The following FANCA variants were observed in gnomAD, a reference collection of about 807,000 sequenced individuals.
FANCA encodes Fanconi anemia group A protein.
FANCA carries 236 observed loss-of-function variants against 194.3 expected under a neutral mutation model. That is an observed-to-expected ratio of 1.21 (90% CI 1.09 to 1.35). FANCA has a LOEUF of 1.35. Ranked by LOEUF, FANCA falls within the 40% of genes most tolerant of loss-of-function variation. The pLI is 0.00. For missense variants in FANCA, 2,628 were observed against 1,813.9 expected (o/e 1.45, Z -8.15); for synonymous variants, 1,014 against 715.8 (o/e 1.42, Z -6.65).
At chr16:89,775,059 A>T (rs2039456063) in intron 21 of FANCA, among the ~76,000 whole-genome samples, 1 of 151,806 alleles carries the variant, frequency 6.6e-6, no homozygotes, top group Non-Finnish European at 1.5e-5. Context: ...GCGCCACTGC[A>T]GTCCACAGCC....
At chr16:89,789,306 T>TGGG (rs68096047) in intron 14 of FANCA, among the ~76,000 whole-genome samples, 16 of 119,984 alleles carry the variant, frequency 1.3e-4, no homozygotes, top group African/African-American at 5.5e-4. Context: ...TCAGAAGGCC[T>TGGG]GGGGGGGGAG....
rs527815517 is a variant in FANCA at position 89,793,309 on chromosome 16, G to A, written c.1007-762C>T. On this transcript the variant is annotated intron_variant, in intron 11 of 42. Transcript: ENST00000389301. ...GACCAAGGAGCCCTCTGGTGGCCCT[G>A]TCCGGGCATAACAGAAGGCTCACAC... is the stretch of plus-strand genomic sequence containing the variant. Among the ~76,000 whole-genome samples, 61 of 152,276 alleles carry A rather than the reference G, an allele frequency of 4.0e-4. 1 individual carries two copies. The highest frequency in any genetic ancestry group is 1.4e-3 in the African/African-American group (58 of 41,554).
rs917707717 is a variant in FANCA, at chr16:89,770,177, G to A, written c.2305C>T (p.Leu769Phe). 5 of 1,590,854 alleles carry A rather than the reference G, an allele frequency of 3.1e-6. No homozygotes were observed. The African/African-American group carries it at 6.7e-5, about 21-fold the overall frequency. Residue 769 changes from leucine to phenylalanine, a missense_variant, in exon 25 of 43, where the codon CTC becomes TTC. By Grantham distance (22) the Leu-to-Phe change is conservative (BLOSUM62 0). Transcript: ENST00000389301. ...AAGGAGAGCCTCACCTGGTGACGGA[G>A]CAGCTGGCAGAGCCGGGTGAGCACT... ...PAVLTRLCQLLRHQGPSLSAP... is the reference protein window; with the variant it reads ...PAVLTRLCQLFRHQGPSLSAP...
chr16:89,786,419 G>T (rs1352210074), intron 14 of FANCA, among the ~76,000 whole-genome samples: 1 of 152,102 alleles, frequency 6.6e-6, no homozygotes, highest in Non-Finnish European at 1.5e-5. Context: ...CTGACCTCAG[G>T]TGATACCTTG....
chr16:89,769,673 A>C (rs758702222), intron 26 of FANCA, 164 bp downstream of exon 26: 5 of 765,902 alleles, frequency 6.5e-6, no homozygotes, highest in Non-Finnish European at 1.1e-5. Context: ...CATATTATAA[A>C]CAAATGACAG....
At chr16:89,759,318 T>TTAAAAAAAA (rs1224981781) in intron 29 of FANCA, among the ~76,000 whole-genome samples, 4,010 of 75,240 alleles carry the variant, frequency 0.053, 956 homozygotes, top group Non-Finnish European at 0.08. Context: ...AGACTCCGTC[T>TTAAAAAAAA]AAAAAAAAAA....
At position 89,740,407 on chromosome 16, in the gene FANCA, A is replaced by C. The variant is rs989545469; in HGVS notation, c.3829-308T>G. ...GTAATCCCAACACTTTGGGAGGCCG[A>C]GGTCGGCGGATCACTGAGGCCAGTT... On this transcript the variant is annotated intron_variant, in intron 38 of 42. Coordinates refer to ENST00000389301, the MANE Select transcript of FANCA (RefSeq NM_000135.4). The C allele has an allele frequency of 8.4e-5, 40 of 473,472 alleles. 1 individual carries two copies. The East Asian group carries it at 1.5e-3, about 18-fold the overall frequency. The allele number at this position is 473,472 out of a possible 1,614,324, so 29.3% of individuals were successfully genotyped here. A position where few individuals can be genotyped will look rare whatever the true frequency, so the allele number is the denominator to read the frequency against.
rs755381554 is a variant in FANCA at position 89,779,854 on chromosome 16, G to A, written c.1715+15C>T. The A allele has an allele frequency of 1.8e-5, 29 of 1,612,234 alleles. No individual in the cohort carries two copies. The highest frequency in any genetic ancestry group is 2.5e-5 in the Non-Finnish European group (29 of 1,179,262). On this transcript the variant is annotated intron_variant, in intron 18 of 42. Transcript: ENST00000389301. ...CACTGCAGCTGCTAGAGGCCTTTTCGGCAGCCCAGCCTACCTGGCCTCCAT... is the reference window on the plus strand; with the variant it reads ...CACTGCAGCTGCTAGAGGCCTTTTCAGCAGCCCAGCCTACCTGGCCTCCAT...
intron 30 of FANCA, among the ~76,000 whole-genome samples, chr16:89,757,856 A>C (rs950619706): frequency 6.6e-6 from 1 of 152,228 alleles, no homozygotes; most frequent in Non-Finnish European, 1.5e-5. Flanking sequence ...CAGGTGACAG[A>C]ACAGAAAAAC....
intron 6 of FANCA, among the ~76,000 whole-genome samples, chr16:89,806,248 T>TC (rs1446560843): frequency 6.6e-6 from 1 of 152,138 alleles, no homozygotes; most frequent in Non-Finnish European, 1.5e-5. Context: ...TGGGGACTGT[T>TC]CCATTTGGAC....
At chr16:89,796,429 G>T (rs1455205125) in intron 10 of FANCA, among the ~76,000 whole-genome samples, 2 of 152,172 alleles carry the variant, frequency 1.3e-5, no homozygotes, top group African/African-American at 2.4e-5. Flanking sequence ...CCAAGCCTGA[G>T]AGAAGAGCCC....
chr16:89,792,332 G>C (rs1347087764), intron 12 of FANCA, 139 bp downstream of exon 12: 2 of 988,560 alleles, frequency 2.0e-6, no homozygotes, highest in African/African-American at 1.6e-5. Flanking sequence ...TGGTGGCCTT[G>C]ATGAGGACAG....
chr16:89,778,822 G>T lies in FANCA; in HGVS notation c.1805C>A (p.Ala602Glu). ...VLPKVPDSRV[A>E]FIESLKRADK... The stretch of plus-strand genomic sequence containing the variant: ...ATACCTCTTCAGAGACTCTATAAAC[G>T]CCACACGGGAGTCAGGGACTTTGGG... The change falls in exon 20 of 43, where the codon GCG becomes GAG. Residue 602 changes from alanine (A) to glutamate (E), a missense_variant. By Grantham distance (107) the Ala-to-Glu change is moderately radical. Transcript: ENST00000389301. The T allele has an allele frequency of 6.2e-7, 1 of 1,613,928 alleles. No individual in the cohort carries two copies. The highest frequency in any genetic ancestry group is 1.1e-5 in the South Asian group (1 of 91,078).
At chr16:89,752,319 C>A (rs1282698368) in intron 30 of FANCA, 97 bp from the exon 31 acceptor site, 2 of 978,288 alleles carry the variant, frequency 2.0e-6, no homozygotes, top group Non-Finnish European at 3.3e-6. Context: ...GATGGCTGTG[C>A]TTCTCTGACA....
intron 29 of FANCA, among the ~76,000 whole-genome samples, chr16:89,761,367 C>T (rs532051010): frequency 2.7e-5 from 4 of 145,716 alleles, no homozygotes; most frequent in East Asian, 2.0e-4. Context: ...TGCAGTGAGC[C>T]GAGATCGCGC....
chr16:89,760,758 C>T (rs1376646321), intron 29 of FANCA, among the ~76,000 whole-genome samples: 1 of 152,086 alleles, frequency 6.6e-6, no homozygotes, highest in Non-Finnish European at 1.5e-5. Context: ...GGCATCACTC[C>T]TCAAAGTCTG....
intron 30 of FANCA, among the ~76,000 whole-genome samples, chr16:89,756,747 G>C (rs1191316538): frequency 5.3e-5 from 8 of 152,120 alleles, no homozygotes; most frequent in Admixed American, 5.2e-4. Flanking sequence ...TACCCATAAA[G>C]GCTGGGGAAG....
At chr16:89,757,796 G>T (rs1415757613) in intron 30 of FANCA, among the ~76,000 whole-genome samples, 1 of 152,176 alleles carries the variant, frequency 6.6e-6, no homozygotes, top group East Asian at 1.9e-4. Context: ...TGATGCCCAG[G>T]ATCTACTAGG....
At chr16:89,770,721 C>T (rs915475655) in intron 23 of FANCA, 87 bp from the exon 24 acceptor site, 14 of 1,178,802 alleles carry the variant, frequency 1.2e-5, no homozygotes, top group South Asian at 2.6e-5. Context: ...CCACAGACAT[C>T]GCAATTCTGC....
Sources: gnomAD v4.1 joint callset for allele counts (sites outside exome capture counted in the v4.1 genomes callset) on GRCh38, gnomAD v4.1.1 for gene constraint, MANE v1.5 for transcripts, NCBI Gene and HGNC (gene_info 2026-07-23, HGNC 2026-07-21) for gene names.